SERPINF1: variants seen among roughly 807,000 people sequenced by gnomAD.
SERPINF1 encodes the protein serpin family F member 1.
A neutral mutation model predicts 37.3 loss-of-function variants in SERPINF1; 29 were observed. That is an observed-to-expected ratio of 0.78 (90% CI 0.58 to 1.06). The LOEUF (loss-of-function observed/expected upper bound fraction) is 1.06, where lower values mean the gene tolerates loss of function less well. Ranked by LOEUF, SERPINF1 falls within the 50% of genes least tolerant of loss-of-function variation. The pLI, the probability that SERPINF1 is intolerant of heterozygous loss-of-function variation, is 0.00. For missense variants in SERPINF1, 553 were observed against 532.2 expected (o/e 1.04, Z -0.38); for synonymous variants, 281 against 227.9 (o/e 1.23, Z -2.10).
chr17:1,771,869 C>G lies in SERPINF1; in HGVS notation c.440-3C>G. Reference sequence around the variant, plus strand: ...CGCTAACCTCTGCTCCGCCTCTTCTCAGAGCTGCGCATAAAATCCAGCTTT... The same window carrying G: ...CGCTAACCTCTGCTCCGCCTCTTCTGAGAGCTGCGCATAAAATCCAGCTTT... On this transcript the variant is annotated splice_polypyrimidine_tract_variant and splice_region_variant and intron_variant, in intron 4 of 7. Transcript: ENST00000254722. 7 of 1,611,470 alleles carry G rather than the reference C, an allele frequency of 4.3e-6. No homozygotes were observed. Among genetic ancestry groups the G allele is most frequent in the Non-Finnish European group, 5.9e-6 (7 of 1,179,780 alleles).
intron 1 of SERPINF1, among the ~76,000 whole-genome samples, chr17:1,763,339 A>C (rs532674982): frequency 6.6e-6 from 1 of 152,294 alleles, no homozygotes; most frequent in African/African-American, 2.4e-5. Flanking sequence ...AAGATCACAA[A>C]AGCTTCTGTG....
chr17:1,768,041 A>C (rs771049420), intron 2 of SERPINF1, among the ~76,000 whole-genome samples: 1 of 152,050 alleles, frequency 6.6e-6, no homozygotes, highest in Non-Finnish European at 1.5e-5. Flanking sequence ...CTGTCTCTAC[A>C]AAAAAGCAAA....
chr17:1,768,306 C>CTG (rs1907508631), intron 2 of SERPINF1, among the ~76,000 whole-genome samples: 1 of 151,554 alleles, frequency 6.6e-6, no homozygotes, highest in African/African-American at 2.4e-5. Flanking sequence ...TGGGGGGCGC[C>CTG]TGTAGTCCCA....
At position 1,771,061 on chromosome 17, in the gene SERPINF1, C is replaced by G; in HGVS notation, c.316C>G (p.Arg106Gly). 6.2e-7 allele frequency: 1 copy of G among 1,614,060 alleles called. No individual in the cohort carries two copies. The highest frequency in any genetic ancestry group is 8.5e-7 in the Non-Finnish European group (1 of 1,179,988). ...GCAGCGAACAGAATCCATCATTCAC[C>G]GGGCTCTCTACTATGACTTGATCAG... ...AEQRTESIIHRALYYDLISSP... is the reference protein window; with the variant it reads ...AEQRTESIIHGALYYDLISSP... Residue 106 changes from arginine to glycine, a missense_variant, in exon 4 of 8, where the codon CGG (arginine) becomes GGG (glycine). Arg to Gly is a moderately radical substitution (Grantham distance 125). Transcript: ENST00000254722.
At chr17:1,775,278 A>G in intron 6 of SERPINF1, 78 bp downstream of exon 6, 2 of 1,469,322 alleles carry the variant, frequency 1.4e-6, no homozygotes, top group Non-Finnish European at 1.9e-6. Context: ...TGGGAATAAA[A>G]TGACCTTTGA....
chr17:1,775,789 C>T (rs1907993392), intron 6 of SERPINF1, among the ~76,000 whole-genome samples: 1 of 152,234 alleles, frequency 6.6e-6, no homozygotes, highest in Non-Finnish European at 1.5e-5. Flanking sequence ...CTGCCTCGGT[C>T]TCCCAAAACA....
intron 2 of SERPINF1, among the ~76,000 whole-genome samples, chr17:1,769,183 G>A (rs1474209614): frequency 6.6e-6 from 1 of 151,740 alleles, no homozygotes; most frequent in Non-Finnish European, 1.5e-5. Flanking sequence ...ACCGAGGCGG[G>A]TGGATCACAA....
At chr17:1,763,054 C>G (rs1907179340) in intron 1 of SERPINF1, among the ~76,000 whole-genome samples, 1 of 152,206 alleles carries the variant, frequency 6.6e-6, no homozygotes, top group Non-Finnish European at 1.5e-5. Context: ...CCACGGCACC[C>G]TGGGCTGACT....
At chr17:1,768,834 C>T (rs1190789219) in intron 2 of SERPINF1, among the ~76,000 whole-genome samples, 1 of 151,702 alleles carries the variant, frequency 6.6e-6, no homozygotes, top group Admixed American at 6.6e-5. Flanking sequence ...GAGACAGGGT[C>T]TCACTCTGTC....
intron 6 of SERPINF1, 64 bp downstream of exon 6, chr17:1,775,264 G>T (rs887693668): frequency 5.9e-5 from 90 of 1,533,584 alleles, no homozygotes; most frequent in Non-Finnish European, 7.7e-5. Context: ...GCAAAACAGG[G>T]TAGTGGGAAT....
At position 1,769,851 on chromosome 17, in the gene SERPINF1, G is replaced by C; in HGVS notation, c.85-1G>C. On this transcript the variant is annotated splice_acceptor_variant, in intron 2 of 7. Transcript: ENST00000254722. LOFTEE classifies it high-confidence loss of function. ...ACCCAAGACTTCCTGTCTCCTGCCA[G>C]GGCTCCCCAGACCCCGACAGCACAG... The C allele has an allele frequency of 6.2e-7, 1 of 1,614,214 alleles. No individual in the cohort carries two copies. The highest frequency in any genetic ancestry group is 8.5e-7 in the Non-Finnish European group (1 of 1,180,038).
intron 1 of SERPINF1, chr17:1,766,594 A>AAATAAATC (rs1907388112): frequency 5.8e-6 from 1 of 173,892 alleles, no homozygotes; most frequent in Admixed American, 6.3e-5. Context: ...ATAAATAAAT[A>AAATAAATC]AATAAAAGCT....
At chr17:1,768,843 T>C (rs1597349038) in intron 2 of SERPINF1, among the ~76,000 whole-genome samples, 1 of 151,940 alleles carries the variant, frequency 6.6e-6, no homozygotes, top group South Asian at 2.1e-4. Context: ...TCTCACTCTG[T>C]CACCCAGGCT....
intron 2 of SERPINF1, among the ~76,000 whole-genome samples, chr17:1,769,395 C>T (rs1437768234): frequency 7.2e-6 from 1 of 139,510 alleles, no homozygotes; most frequent in African/African-American, 2.9e-5. Context: ...AGCGACAGAG[C>T]GAGACTCCGT....
chr17:1,763,135 C>T (rs1449837509), intron 1 of SERPINF1, among the ~76,000 whole-genome samples: 2 of 152,200 alleles, frequency 1.3e-5, no homozygotes, highest in African/African-American at 4.8e-5. Context: ...GAGAGGACCC[C>T]TCAATCCCCT....
rs777174745 is a variant in SERPINF1 at position 1,771,076 on chromosome 17, G to A, written c.331G>A (p.Asp111Asn). 5.8e-5 allele frequency: 93 copies of A among 1,614,060 alleles called. No individual in the cohort carries two copies. Among genetic ancestry groups the A allele is most frequent in the Middle Eastern group, 1.6e-4 (1 of 6,062 alleles). The change falls in exon 4 of 8, where the codon GAC (aspartate) becomes AAC (asparagine). Residue 111 changes from aspartate to asparagine, a missense_variant. By Grantham distance (23) the Asp-to-Asn change is conservative. Coordinates refer to ENST00000254722, the MANE Select transcript of SERPINF1 (RefSeq NM_002615.7). Reference sequence around the variant, plus strand: ...CATCATTCACCGGGCTCTCTACTATGACTTGATCAGCAGCCCAGACATCCA... The same window carrying A: ...CATCATTCACCGGGCTCTCTACTATAACTTGATCAGCAGCCCAGACATCCA... ...ESIIHRALYY[D>N]LISSPDIHGT... is the part of the protein sequence containing the mutation.
rs1908104970 is a variant in SERPINF1 at position 1,777,348 on chromosome 17, GA to G, written c.1160del (p.Asp387AlafsTer12). On this transcript the variant is annotated frameshift_variant, in exon 8 of 8. Transcript: ENST00000254722. LOFTEE classifies it high-confidence loss of function. ...GCCTGCCCACCTCACCTTCCCGCTGGACTATCACCTTAACCAGCCTTTCATC... is the reference window on the plus strand; with the variant it reads ...GCCTGCCCACCTCACCTTCCCGCTGGCTATCACCTTAACCAGCCTTTCATC... ...LQPAHLTFPL[D>X]YHLNQPFIFV... The G allele has an allele frequency of 6.2e-7, 1 of 1,614,002 alleles. No individual in the cohort carries two copies. Among genetic ancestry groups the G allele is most frequent in the Admixed American group, 1.7e-5 (1 of 59,992 alleles).
chr17:1,772,510 C>CA (rs1254354834), intron 5 of SERPINF1, among the ~76,000 whole-genome samples: 6 of 152,138 alleles, frequency 3.9e-5, no homozygotes, highest in African/African-American at 1.4e-4. Flanking sequence ...CTTGGCCTCC[C>CA]AAAGTGCTGG....
At chr17:1,763,602 C>T (rs1362467609) in intron 1 of SERPINF1, among the ~76,000 whole-genome samples, 4 of 152,224 alleles carry the variant, frequency 2.6e-5, no homozygotes, top group Non-Finnish European at 5.9e-5. Flanking sequence ...CACGCTTGCC[C>T]TCTCACTGCC....
Sources: allele counts gnomAD v4.1 joint callset (sites outside exome capture counted in the v4.1 genomes callset), GRCh38; gene constraint gnomAD v4.1.1; transcripts MANE v1.5; gene names NCBI Gene and HGNC (gene_info 2026-07-23, HGNC 2026-07-21).